EXOC6B: variants seen among roughly 807,000 people sequenced by gnomAD.
EXOC6B encodes exocyst complex component 6B.
EXOC6B carries 54 observed loss-of-function variants against 113.5 expected under a neutral mutation model. The observed-to-expected ratio is 0.48, with a 90% CI of 0.38 to 0.60. EXOC6B has a LOEUF of 0.60. Among genes scored for constraint, EXOC6B ranks in the 20% least tolerant of loss-of-function variants. The pLI, the probability that EXOC6B is intolerant of heterozygous loss-of-function variation, is 0.00. For synonymous variants in EXOC6B, 357 were observed against 339.0 expected (o/e 1.05, Z -0.58); for missense variants, 797 against 977.5 (o/e 0.82, Z 2.46).
chr2:72,297,543 G>T (rs1323204846), intron 20 of EXOC6B, among the ~76,000 whole-genome samples: 15 of 152,090 alleles, frequency 9.9e-5, no homozygotes, highest in Admixed American at 2.6e-4. Flanking sequence ...CTCGCCTTCT[G>T]CTAGCTTTTG....
chr2:72,443,449 G>A (rs1295307675), intron 18 of EXOC6B, among the ~76,000 whole-genome samples: 1 of 152,078 alleles, frequency 6.6e-6, no homozygotes, highest in African/African-American at 2.4e-5. Context: ...CAAGCAATGG[G>A]GAAAGGGCTT....
At chr2:72,424,374 C>A (rs1695087614) in intron 18 of EXOC6B, among the ~76,000 whole-genome samples, 1 of 151,806 alleles carries the variant, frequency 6.6e-6, no homozygotes, top group African/African-American at 2.4e-5. Context: ...AATTTTAGTA[C>A]ATATAAGACT....
chr2:72,394,300 T>C lies in EXOC6B; in HGVS notation c.1981-14430A>G, dbSNP rs536714469. Among the ~76,000 whole-genome samples the C allele has an allele frequency of 2.6e-5, 4 of 152,182 alleles. No individual in the cohort carries two copies. In the East Asian group the frequency reaches 7.7e-4, roughly 29 times the overall value. ...TTTTTTATTCTAATAATTCTGTATG[T>C]GCAAAAAAGTGGAAAATGTATTTCC... On this transcript the variant is annotated intron_variant, in intron 18 of 21. Coordinates refer to ENST00000272427, the MANE Select transcript of EXOC6B (RefSeq NM_015189.3).
intron 1 of EXOC6B, among the ~76,000 whole-genome samples, chr2:72,808,568 G>A (rs191989979): frequency 1.2e-4 from 19 of 152,174 alleles, no homozygotes; most frequent in African/African-American, 3.6e-4. Context: ...AGACCAGCCC[G>A]GGTAACATAA....
At chr2:72,512,417 AAGGAAGGAAAGAAG>A (rs1199981513) in intron 11 of EXOC6B, among the ~76,000 whole-genome samples, 3 of 122,224 alleles carry the variant, frequency 2.5e-5, no homozygotes, top group Non-Finnish European at 5.3e-5. Context: ...GGAAGGAAGG[AAGGAAGGAAAGAAG>A]GAAGGAAGGA....
intron 20 of EXOC6B, among the ~76,000 whole-genome samples, chr2:72,250,968 G>A (rs1157327889): frequency 2.0e-5 from 3 of 151,812 alleles, no homozygotes; most frequent in African/African-American, 7.3e-5. Flanking sequence ...CTCTGGAGTA[G>A]CTGGGTTAGT....
intron 8 of EXOC6B, among the ~76,000 whole-genome samples, chr2:72,555,629 T>G (rs1362309108): frequency 6.6e-5 from 10 of 152,120 alleles, no homozygotes; most frequent in Admixed American, 1.3e-4. Flanking sequence ...AAATTTAGTT[T>G]CTTTTGCTGG....
intron 6 of EXOC6B, among the ~76,000 whole-genome samples, chr2:72,681,127 A>G (rs1461356368): frequency 6.6e-6 from 1 of 152,222 alleles, no homozygotes; most frequent in African/African-American, 2.4e-5. Context: ...TATAAAGTCT[A>G]TCATGATCTA....
chr2:72,185,143 C>T (rs1678340994), intron 20 of EXOC6B, among the ~76,000 whole-genome samples: 1 of 152,250 alleles, frequency 6.6e-6, no homozygotes, highest in African/African-American at 2.4e-5. Context: ...CAGTCCCAGA[C>T]TCATATCACT....
chr2:72,502,797 T>G (rs1217323793), intron 11 of EXOC6B, among the ~76,000 whole-genome samples: 1 of 152,186 alleles, frequency 6.6e-6, no homozygotes, highest in African/African-American at 2.4e-5. Flanking sequence ...CGTCACTGTC[T>G]TTCCTTTCTA....
chr2:72,194,609 G>A (rs775944237), intron 20 of EXOC6B, among the ~76,000 whole-genome samples: 11 of 142,392 alleles, frequency 7.7e-5, no homozygotes, highest in Non-Finnish European at 1.5e-4. Context: ...GTGTGTGTGT[G>A]TGCATATGTG....
chr2:72,209,524 T>G (rs1320407500), intron 20 of EXOC6B, among the ~76,000 whole-genome samples: 2 of 152,086 alleles, frequency 1.3e-5, no homozygotes, highest in African/African-American at 4.8e-5. Flanking sequence ...CAAAAATTTT[T>G]TTTTCAGGTT....
At chr2:72,538,375 C>T (rs1198005181) in intron 8 of EXOC6B, among the ~76,000 whole-genome samples, 1 of 152,132 alleles carries the variant, frequency 6.6e-6, no homozygotes, top group Admixed American at 6.6e-5. Context: ...CAAATATGAA[C>T]ACAATATATA....
At chr2:72,271,960 C>A (rs543256645) in intron 20 of EXOC6B, among the ~76,000 whole-genome samples, 51 of 152,260 alleles carry the variant, frequency 3.3e-4, no homozygotes, top group Middle Eastern at 3.4e-3. Context: ...TTTTCCTCCC[C>A]TTTTCCCCTC....
At chr2:72,434,899 A>G (rs193274008) in intron 18 of EXOC6B, among the ~76,000 whole-genome samples, 8 of 151,362 alleles carry the variant, frequency 5.3e-5, no homozygotes, top group Admixed American at 3.9e-4. Flanking sequence ...TCATGTCTCT[A>G]TCTCCTTCAG....
intron 20 of EXOC6B, among the ~76,000 whole-genome samples, chr2:72,207,735 AC>A (rs1679922742): frequency 6.6e-6 from 1 of 152,232 alleles, no homozygotes; most frequent in African/African-American, 2.4e-5. Flanking sequence ...ATTTGTCAAA[AC>A]ACTAGAGGGA....
intron 18 of EXOC6B, among the ~76,000 whole-genome samples, chr2:72,456,144 AC>A (rs1697219854): frequency 6.6e-6 from 1 of 152,194 alleles, no homozygotes; most frequent in Non-Finnish European, 1.5e-5. Context: ...TGTGAACATT[AC>A]TAAGTAATAA....
At chr2:72,822,061 C>T (rs1303447573) in intron 1 of EXOC6B, among the ~76,000 whole-genome samples, 2 of 151,938 alleles carry the variant, frequency 1.3e-5, no homozygotes, top group African/African-American at 4.8e-5. Flanking sequence ...ATGTTAATTG[C>T]TATTACCCAG....
At chr2:72,424,890 TA>T (rs1332334168) in intron 18 of EXOC6B, among the ~76,000 whole-genome samples, 3 of 152,212 alleles carry the variant, frequency 2.0e-5, no homozygotes, top group Non-Finnish European at 4.4e-5. Context: ...GTTACATAGG[TA>T]AACATGTGTC....
Sources: gnomAD v4.1 joint callset for allele counts (sites outside exome capture counted in the v4.1 genomes callset) on GRCh38, gnomAD v4.1.1 for gene constraint, MANE v1.5 for transcripts, NCBI Gene and HGNC (gene_info 2026-07-23, HGNC 2026-07-21) for gene names.